Variants in HIGD1C observed in about 807,000 individuals in gnomAD.
HIGD1C encodes the protein HIG1 domain family member 1C.
Under a neutral mutation model 13.1 loss-of-function variants are expected in HIGD1C, and 11 were observed. The ratio of observed to expected loss-of-function variants is 0.84; its 90% CI spans 0.53 to 1.39. HIGD1C has a LOEUF of 1.39. HIGD1C is among the 40% of genes most tolerant of loss of function. The pLI is 0.00. For missense variants in HIGD1C, 110 were observed against 112.0 expected, an observed-to-expected ratio of 0.98 and a Z score of 0.08; for synonymous variants, 36 against 37.7, an observed-to-expected ratio of 0.95 and a Z score of 0.17.
At chr12:50,937,564 C>CAGAAGGG in the HIGD1C span, among the ~76,000 whole-genome samples, 1 of 152,130 alleles carries the variant, frequency 6.6e-6, no homozygotes, top group Admixed American at 6.5e-5. Flanking sequence ...GTGGTGTGTG[C>CAGAAGGG]TTCAGTCCAT....
At chr12:50,956,028 T>A (rs1249438410) in intron 1 of HIGD1C, among the ~76,000 whole-genome samples, 1 of 152,182 alleles carries the variant, frequency 6.6e-6, no homozygotes, top group African/African-American at 2.4e-5. Context: ...CAAAACCAAT[T>A]TAAGTAAGAA....
At chr12:50,959,250 G>C (rs923983014) in intron 1 of HIGD1C, among the ~76,000 whole-genome samples, 1 of 151,952 alleles carries the variant, frequency 6.6e-6, no homozygotes, top group Non-Finnish European at 1.5e-5. Flanking sequence ...CTCCTGAGTA[G>C]CTGGGATTAC....
At chr12:50,962,374 G>C (rs1231424189) in intron 2 of HIGD1C, among the ~76,000 whole-genome samples, 1 of 151,862 alleles carries the variant, frequency 6.6e-6, no homozygotes, top group Non-Finnish European at 1.5e-5. Flanking sequence ...TCATGCCTTT[G>C]CACTCCAGCC....
intron 2 of HIGD1C, among the ~76,000 whole-genome samples, chr12:50,965,426 G>A (rs1199858686): frequency 3.3e-5 from 5 of 151,794 alleles, no homozygotes; most frequent in Admixed American, 1.3e-4. Flanking sequence ...CCCAGCCACT[G>A]GTTTACTATT....
At chr12:50,967,659 T>C (rs1939591384) in intron 2 of HIGD1C, among the ~76,000 whole-genome samples, 1 of 152,168 alleles carries the variant, frequency 6.6e-6, no homozygotes, top group African/African-American at 2.4e-5. Context: ...AACATGGCCA[T>C]TAATGCCTTT....
chr12:50,934,540 G>T, the HIGD1C span, among the ~76,000 whole-genome samples: 1 of 152,184 alleles, frequency 6.6e-6, no homozygotes, highest in African/African-American at 2.4e-5. Flanking sequence ...ACATATCCCT[G>T]CCTGCGTGGA....
chr12:50,959,837 A>G (rs1339151701), intron 1 of HIGD1C, among the ~76,000 whole-genome samples: 4 of 151,636 alleles, frequency 2.6e-5, no homozygotes, highest in Admixed American at 6.6e-5. Context: ...TTTAGTGGAG[A>G]TGGGATTTCA....
At chr12:50,971,907 A>C (rs906667945), downstream of HIGD1C, among the ~76,000 whole-genome samples, 4 of 152,210 alleles carry the variant, frequency 2.6e-5, no homozygotes, top group Non-Finnish European at 4.4e-5. Context: ...TATTATATAC[A>C]TTTTTCCCCA....
At chr12:50,960,823 C>G in intron 1 of HIGD1C, 145 bp from the exon 4 acceptor site, 1 of 618,176 alleles carries the variant, frequency 1.6e-6, no homozygotes, top group Non-Finnish European at 2.7e-6. Context: ...GCTGGGACTA[C>G]AGACGTGTAT....
the HIGD1C span, chr12:50,939,846 T>C: frequency 7.2e-5 from 11 of 152,184 alleles, no homozygotes; most frequent in African/African-American, 2.4e-4. Context: ...GAACAGAATG[T>C]TTATTTTTCT....
At position 50,969,961 on chromosome 12, in the gene HIGD1C, C is replaced by A. The variant is rs150008119; in HGVS notation, c.230-481C>A. 2.0e-4 allele frequency among the ~76,000 whole-genome samples: 30 copies of A among 152,180 alleles called. No individual in the cohort carries two copies. In the East Asian group the frequency reaches 5.6e-3, roughly 28 times the overall value. On this transcript the variant is annotated intron_variant, in intron 2 of 2. Transcript: ENST00000398455. Reference sequence around the variant, plus strand: ...CCCTATTCCTTCTGGCTACTTCCCCCTTTCTGCATGCCCCAGGACTCTGTG... The same window carrying A: ...CCCTATTCCTTCTGGCTACTTCCCCATTTCTGCATGCCCCAGGACTCTGTG...
upstream of HIGD1C, among the ~76,000 whole-genome samples, chr12:50,948,932 GGAGGAGGAGGA>G (rs1938844108): frequency 1.2e-4 from 2 of 16,918 alleles, no homozygotes; most frequent in African/African-American, 8.2e-4. Context: ...GAGGGGGAGG[GGAGGAGGAGGA>G]GGAGGAGGAG....
chr12:50,957,622 C>G (rs374166423), intron 1 of HIGD1C, among the ~76,000 whole-genome samples: 1 of 151,936 alleles, frequency 6.6e-6, no homozygotes, highest in African/African-American at 2.4e-5. Context: ...TGGTGGCTCA[C>G]GCCTATAATC....
intron 1 of HIGD1C, among the ~76,000 whole-genome samples, chr12:50,957,353 C>T (rs926539920): frequency 6.6e-6 from 1 of 151,642 alleles, no homozygotes; most frequent in African/African-American, 2.4e-5. Context: ...CATGCGCCAC[C>T]ACACCTGGCT....
At chr12:50,960,617 T>C (rs1038631054) in intron 1 of HIGD1C, among the ~76,000 whole-genome samples, 3 of 152,218 alleles carry the variant, frequency 2.0e-5, no homozygotes, top group Non-Finnish European at 4.4e-5. Context: ...GTTCTTATCC[T>C]GTAGACATTC....
intron 2 of HIGD1C, among the ~76,000 whole-genome samples, chr12:50,964,091 T>C (rs2139816800): frequency 6.6e-6 from 1 of 152,306 alleles, no homozygotes; most frequent in East Asian, 1.9e-4. Flanking sequence ...GATATAAGGT[T>C]GAATCCTATT....
chr12:50,954,194 C>A, intron 1 of HIGD1C, 102 bp downstream of exon 3: 1 of 715,176 alleles, frequency 1.4e-6, no homozygotes, highest in Non-Finnish European at 2.4e-6. Flanking sequence ...TGAATTTTTT[C>A]AGATAATTGA....
intron 2 of HIGD1C, among the ~76,000 whole-genome samples, chr12:50,966,125 CTTGTCT>C (rs1939532809): frequency 6.6e-6 from 1 of 152,158 alleles, no homozygotes; most frequent in Non-Finnish European, 1.5e-5. Context: ...TCATGCTTTC[CTTGTCT>C]TTGTCAATCA....
At chr12:50,933,915 C>T in the HIGD1C span, among the ~76,000 whole-genome samples, 834 of 152,302 alleles carry the variant, frequency 5.5e-3, 5 homozygotes, top group African/African-American at 0.019. Context: ...TCATGCCTCC[C>T]GGCATCACCT....
Sources: gnomAD v4.1 joint callset for allele counts (sites outside exome capture counted in the v4.1 genomes callset) on GRCh38, gnomAD v4.1.1 for gene constraint, MANE v1.5 for transcripts, NCBI Gene and HGNC (gene_info 2026-07-23, HGNC 2026-07-21) for gene names.